Variants in FILIP1 observed in about 807,000 individuals in gnomAD.
FILIP1 encodes the protein filamin-A-interacting protein 1.
In FILIP1, 61 loss-of-function variants were observed where a neutral mutation model predicts 102.1. The ratio of observed to expected loss-of-function variants is 0.60; its 90% CI spans 0.49 to 0.74. The LOEUF (loss-of-function observed/expected upper bound fraction) is 0.74. FILIP1 is among the 30% of genes least tolerant of loss of function. The pLI, the probability that FILIP1 is intolerant of heterozygous loss-of-function variation, is 0.00. For missense variants in FILIP1, 1,314 were observed against 1,441.2 expected, an observed-to-expected ratio of 0.91 and a Z score of 1.43; for synonymous variants, 491 against 526.9, an observed-to-expected ratio of 0.93 and a Z score of 0.93.
At chr6:75,341,409 CA>C (rs1234371735) in intron 4 of FILIP1, among the ~76,000 whole-genome samples, 1 of 151,932 alleles carries the variant, frequency 6.6e-6, no homozygotes. Flanking sequence ...CTGCCTGCCT[CA>C]GACTCCCAAA....
At chr6:75,358,970 A>G (rs1386201001) in intron 3 of FILIP1, among the ~76,000 whole-genome samples, 3 of 150,124 alleles carry the variant, frequency 2.0e-5, no homozygotes, top group Non-Finnish European at 3.0e-5. Context: ...GATCTGACAA[A>G]GTGCTGGGAT....
Position 75,353,630 on chromosome 6 carries a change from C to A in FILIP1, c.538G>T (p.Val180Leu), listed in dbSNP as rs777670839. 9.9e-6 allele frequency: 16 copies of A among 1,614,052 alleles called. No individual in the cohort carries two copies. The highest frequency in any genetic ancestry group is 1.4e-5 in the Non-Finnish European group (16 of 1,180,036). The change falls in exon 4 of 6, where the codon GTA becomes TTA. Residue 180 changes from valine to leucine, a missense_variant. By Grantham distance (32) the Val-to-Leu change is conservative. Coordinates refer to ENST00000237172, the MANE Select transcript of FILIP1 (RefSeq NM_015687.5). ...TGCTTCTCGTTCTCTAACTCGTATACGGTGCGCCTATGACACTTCTCGGCC... is the reference window on the plus strand; with the variant it reads ...TGCTTCTCGTTCTCTAACTCGTATAAGGTGCGCCTATGACACTTCTCGGCC... ...LLAEKCHRRT[V>L]YELENEKHKH...
chr6:75,481,170 C>T (rs1303104998), intron 1 of FILIP1, among the ~76,000 whole-genome samples: 1 of 152,140 alleles, frequency 6.6e-6, no homozygotes, highest in Admixed American at 6.6e-5. Context: ...CTCACTAAAC[C>T]ATTTACCCAC....
chr6:75,353,793 G>T lies in FILIP1; in HGVS notation c.451-76C>A, dbSNP rs992523498. ...GGACTCTAAATAATTTGTTGACATG[G>T]GTCTAGTGACTTATTACCTGAAAGC... On this transcript the variant is annotated intron_variant, in intron 3 of 5. Coordinates refer to ENST00000237172, the MANE Select transcript of FILIP1 (RefSeq NM_015687.5). 4.8e-6 allele frequency: 7 copies of T among 1,444,670 alleles called. No individual in the cohort carries two copies. In the African/African-American group the frequency reaches 9.9e-5, roughly 20 times the overall value. 89.5% of individuals were successfully genotyped at this position (1,444,670 alleles called of 1,614,324 possible). A position where few individuals can be genotyped will look rare whatever the true frequency, so the allele number is the denominator to read the frequency against.
chr6:75,445,981 C>T (rs942707239), intron 1 of FILIP1, among the ~76,000 whole-genome samples: 1 of 152,024 alleles, frequency 6.6e-6, no homozygotes, highest in Non-Finnish European at 1.5e-5. Flanking sequence ...ACATTTGTAA[C>T]AAAATTTAAA....
At chr6:75,325,539 G>T (rs138301114) in intron 4 of FILIP1, among the ~76,000 whole-genome samples, 46 of 152,206 alleles carry the variant, frequency 3.0e-4, no homozygotes, top group African/African-American at 1.0e-3. Flanking sequence ...ATTTAAATCA[G>T]CAAGAAAAAA....
At chr6:75,430,772 G>A (rs1228835620) in intron 1 of FILIP1, among the ~76,000 whole-genome samples, 1 of 152,138 alleles carries the variant, frequency 6.6e-6, no homozygotes, top group African/African-American at 2.4e-5. Context: ...TTAAAAACTT[G>A]CAAAGACAAA....
At chr6:75,438,786 C>T (rs1562599210) in intron 1 of FILIP1, among the ~76,000 whole-genome samples, 1 of 152,180 alleles carries the variant, frequency 6.6e-6, no homozygotes, top group Non-Finnish European at 1.5e-5. Context: ...AAGGCCCCTA[C>T]TAGAATGCAA....
Position 75,308,901 on chromosome 6 carries a change from TAA to T in FILIP1, c.3436-6_3436-5del. The stretch of plus-strand genomic sequence containing the variant: ...GGGATGACCCGTCTTGTCCTGACTG[TAA>T]GAGAGAAAATACGTAGATACAAGGG... On this transcript the variant is annotated splice_region_variant and splice_polypyrimidine_tract_variant and intron_variant, in intron 5 of 5. Coordinates refer to ENST00000237172, the MANE Select transcript of FILIP1 (RefSeq NM_015687.5). The T allele has an allele frequency of 6.2e-7, 1 of 1,613,838 alleles. No homozygotes were observed.
chr6:75,334,998 A>G (rs1159489858), intron 4 of FILIP1, among the ~76,000 whole-genome samples: 11 of 152,196 alleles, frequency 7.2e-5, no homozygotes, highest in Admixed American at 7.2e-4. Flanking sequence ...GGAGAGGGAT[A>G]CATTTGGGGA....
Position 75,314,055 on chromosome 6 carries a change from C to T in FILIP1, c.1777G>A (p.Val593Ile), listed in dbSNP as rs748602753. ...EEKSSELSCS[V>I]DLLKKRLDGI... ...TCAAGTCTCTTCTTTAGTAAGTCAA[C>T]ACTGCAGCTTAATTCAGAGGATTTT... The change falls in exon 5 of 6, where the codon GTT (valine) becomes ATT (isoleucine). Residue 593 changes from valine (V) to isoleucine (I), a missense_variant. Transcript: ENST00000237172. 1.3e-6 allele frequency: 2 copies of T among 1,518,062 alleles called. No homozygotes were observed. Among genetic ancestry groups the T allele is most frequent in the Admixed American group, 2.4e-5 (1 of 41,254 alleles). The allele number at this position is 1,518,062 out of a possible 1,614,324, so 94.0% of individuals were successfully genotyped here. A position where few individuals can be genotyped will look rare whatever the true frequency, so the allele number is the denominator to read the frequency against.
intron 1 of FILIP1, chr6:75,458,162 T>A (rs1208118310): frequency 6.6e-6 from 1 of 152,186 alleles, no homozygotes; most frequent in Non-Finnish European, 1.5e-5. Flanking sequence ...TATCTTTCAG[T>A]CTCCCTGGGG....
At chr6:75,435,199 A>G (rs556119990) in intron 1 of FILIP1, among the ~76,000 whole-genome samples, 2 of 152,296 alleles carry the variant, frequency 1.3e-5, no homozygotes, top group East Asian at 3.9e-4. Context: ...TGCTGGCCTC[A>G]TAAAATGGAG....
At chr6:75,383,661 C>A (rs1446318896) in intron 2 of FILIP1, among the ~76,000 whole-genome samples, 2 of 152,186 alleles carry the variant, frequency 1.3e-5, no homozygotes, top group African/African-American at 4.8e-5. Context: ...CATGCATTAT[C>A]TCCCCCACCC....
intron 2 of FILIP1, among the ~76,000 whole-genome samples, chr6:75,401,230 C>T (rs545944524): frequency 6.6e-6 from 1 of 152,282 alleles, no homozygotes; most frequent in African/African-American, 2.4e-5. Flanking sequence ...TTTCATTCTC[C>T]AGCTTTGCAG....
chr6:75,493,111 T>C (rs769632629), intron 1 of FILIP1, among the ~76,000 whole-genome samples: 1 of 152,210 alleles, frequency 6.6e-6, no homozygotes, highest in South Asian at 2.1e-4. Flanking sequence ...AGATGTGAAA[T>C]TGTCCTTTGT....
At chr6:75,355,159 T>G in intron 3 of FILIP1, among the ~76,000 whole-genome samples, 1 of 151,550 alleles carries the variant, frequency 6.6e-6, no homozygotes, top group Non-Finnish European at 1.5e-5. Flanking sequence ...GCCAGGCGTG[T>G]TGGCAGACGC....
intron 2 of FILIP1, 114 bp from the exon 3 acceptor site, chr6:75,363,031 C>A: frequency 1.0e-6 from 1 of 985,272 alleles, no homozygotes. Flanking sequence ...GGGCTATTGG[C>A]AAATTCACTG....
chr6:75,453,175 TC>T (rs1778694554), intron 1 of FILIP1, among the ~76,000 whole-genome samples: 1 of 152,206 alleles, frequency 6.6e-6, no homozygotes, highest in South Asian at 2.1e-4. Context: ...CCTGTCCTTC[TC>T]CCCTTTGCTT....
Sources: gnomAD v4.1 joint callset for allele counts (sites outside exome capture counted in the v4.1 genomes callset) on GRCh38, gnomAD v4.1.1 for gene constraint, MANE v1.5 for transcripts, NCBI Gene and HGNC (gene_info 2026-07-23, HGNC 2026-07-21) for gene names.